Variants in PTAR1 observed in about 807,000 individuals in gnomAD.
The protein encoded by PTAR1 is protein prenyltransferase alpha subunit repeat containing 1, also known as protein prenyltransferase alpha subunit repeat-containing protein 1.
In PTAR1, 17 loss-of-function variants were observed where a neutral mutation model predicts 45.5. That is an observed-to-expected ratio of 0.37 (90% CI 0.26 to 0.56). The LOEUF (loss-of-function observed/expected upper bound fraction) is 0.56, where lower values mean the gene tolerates loss of function less well. PTAR1 is among the 20% of genes least tolerant of loss of function. The pLI, the probability that PTAR1 is intolerant of heterozygous loss-of-function variation, is 0.77. For synonymous variants in PTAR1, 169 were observed against 171.3 expected (o/e 0.99, Z 0.11); for missense variants, 391 against 476.3 (o/e 0.82, Z 1.67).
intron 5 of PTAR1, among the ~76,000 whole-genome samples, chr9:69,725,771 G>A (rs1335397463): frequency 6.6e-6 from 1 of 151,784 alleles, no homozygotes; most frequent in East Asian, 1.9e-4. Context: ...AAAGATAGAG[G>A]CAATGATTTT....
chr9:69,718,710 A>G (rs1053609593), intron 6 of PTAR1, 26 bp from the exon 7 acceptor site: 2 of 1,485,504 alleles, frequency 1.3e-6, no homozygotes, highest in Non-Finnish European at 1.8e-6. Context: ...GAAGGAAGAG[A>G]ATAAAGAAAA....
chr9:69,714,797 C>T lies in PTAR1; in HGVS notation c.*3545G>A, dbSNP rs910113602. ...GACTGAAAGTCTGGGCCCAGAGTTT[C>T]TTAAGAGGTAATAAAATGCTAAAAT... On this transcript the variant is annotated 3_prime_UTR_variant, in exon 8 of 8. Coordinates refer to ENST00000340434, the MANE Select transcript of PTAR1 (RefSeq NM_001099666.2). 6.6e-6 allele frequency: 1 copy of T among 152,004 alleles called. No individual in the cohort carries two copies. The highest frequency in any genetic ancestry group is 1.5e-5 in the Non-Finnish European group (1 of 67,984). The allele number at this position is 152,004 out of a possible 1,614,324, so 9.4% of individuals were successfully genotyped here.
chr9:69,712,977 T>C lies in PTAR1; in HGVS notation c.*5365A>G, dbSNP rs1161131609. 2.6e-5 allele frequency: 4 copies of C among 152,134 alleles called. No individual in the cohort carries two copies. Among genetic ancestry groups the C allele is most frequent in the African/African-American group, 9.7e-5 (4 of 41,450 alleles). The allele number at this position is 152,134 out of a possible 1,614,324, so 9.4% of individuals were successfully genotyped here. A position where few individuals can be genotyped will look rare whatever the true frequency, so the allele number is the denominator to read the frequency against. ...TATACTAAAATTTAAGAGCTAATAA[T>C]ATATTTAGCATATTTTTGCCTTTTC... is the stretch of plus-strand genomic sequence containing the variant. On this transcript the variant is annotated 3_prime_UTR_variant, in exon 8 of 8. Coordinates refer to ENST00000340434, the MANE Select transcript of PTAR1 (RefSeq NM_001099666.2).
At chr9:69,738,622 A>G (rs1179635816) in intron 3 of PTAR1, among the ~76,000 whole-genome samples, 1 of 152,014 alleles carries the variant, frequency 6.6e-6, no homozygotes. Context: ...ATCCCACCAT[A>G]TATTTTTGAA....
intron 2 of PTAR1, among the ~76,000 whole-genome samples, chr9:69,743,664 CTT>C (rs1200070244): frequency 6.6e-6 from 1 of 152,086 alleles, no homozygotes; most frequent in Non-Finnish European, 1.5e-5. Context: ...TTGGCACTAA[CTT>C]AATGTTTATC....
At position 69,759,998 on chromosome 9, in the gene PTAR1, G is replaced by C. The variant is rs550896557; in HGVS notation, c.-60C>G. The C allele has an allele frequency of 1.8e-5, 24 of 1,351,546 alleles. No individual in the cohort carries two copies. The East Asian group carries it at 4.8e-4, about 27-fold the overall frequency. 83.7% of individuals were successfully genotyped at this position (1,351,546 alleles called of 1,614,324 possible). A position where few individuals can be genotyped will look rare whatever the true frequency, so the allele number is the denominator to read the frequency against. On this transcript the variant is annotated 5_prime_UTR_variant, in exon 1 of 8. Transcript: ENST00000340434. ...CGCGTGAGCCGGGCCGCCGGCGGGA[G>C]TTCCGCGGAGAACGAGCGCGCGCGC... is the stretch of plus-strand genomic sequence containing the variant.
intron 5 of PTAR1, among the ~76,000 whole-genome samples, 179 bp from the exon 6 acceptor site, chr9:69,723,809 T>C (rs927738279): frequency 2.0e-5 from 3 of 152,168 alleles, no homozygotes; most frequent in Non-Finnish European, 2.9e-5. Context: ...ACATGCGAAT[T>C]TTCTCTTTCC....
chr9:69,714,802 G>A lies in PTAR1; in HGVS notation c.*3540C>T, dbSNP rs1305613650. On this transcript the variant is annotated 3_prime_UTR_variant, in exon 8 of 8. Coordinates refer to ENST00000340434, the MANE Select transcript of PTAR1 (RefSeq NM_001099666.2). ...AAAGTCTGGGCCCAGAGTTTCTTAA[G>A]AGGTAATAAAATGCTAAAATCTACA... is the stretch of plus-strand genomic sequence containing the variant. 3 of 151,986 alleles carry A rather than the reference G, an allele frequency of 2.0e-5. No homozygotes were observed. Among genetic ancestry groups the A allele is most frequent in the Non-Finnish European group, 4.4e-5 (3 of 67,976 alleles). The allele number at this position is 151,986 out of a possible 1,614,324, so 9.4% of individuals were successfully genotyped here. A position where few individuals can be genotyped will look rare whatever the true frequency, so the allele number is the denominator to read the frequency against.
chr9:69,751,516 T>C (rs1385075629), intron 1 of PTAR1, among the ~76,000 whole-genome samples: 1 of 152,110 alleles, frequency 6.6e-6, no homozygotes, highest in African/African-American at 2.4e-5. Flanking sequence ...GATATATAGA[T>C]GCATTAAAAA....
In PTAR1 at chr9:69,732,122, G is replaced by A. The variant is rs770178779; in HGVS notation, c.642+17C>T. 2.5e-6 allele frequency: 4 copies of A among 1,580,242 alleles called. No individual in the cohort carries two copies. In the African/African-American group the frequency reaches 5.4e-5, roughly 21 times the overall value. ...GGGCAGACAGGCAGTCTGCCCAGGA[G>A]ACAGTAATATTCCTACCTTGACATC... On this transcript the variant is annotated intron_variant, in intron 5 of 7. Transcript: ENST00000340434.
In PTAR1 at chr9:69,723,446, T is replaced by G. The variant is rs1326288227; in HGVS notation, c.827A>C (p.Glu276Ala). ...EPALVPPKDEEAAVSTEEPRI... is the reference protein window; with the variant it reads ...EPALVPPKDEAAAVSTEEPRI... ...TGGTTCTTCTGTTGAAACTGCTGCTTCTTCATCTTTTGGAGGAACTAGGGC... is the reference window on the plus strand; with the variant it reads ...TGGTTCTTCTGTTGAAACTGCTGCTGCTTCATCTTTTGGAGGAACTAGGGC... The change falls in exon 6 of 8, where the codon GAA becomes GCA. Residue 276 changes from glutamate (E) to alanine (A), a missense_variant. Glu to Ala is a moderately radical substitution (Grantham distance 107, BLOSUM62 -1). Coordinates refer to ENST00000340434, the MANE Select transcript of PTAR1 (RefSeq NM_001099666.2). 18 of 1,613,778 alleles carry G rather than the reference T, an allele frequency of 1.1e-5. No individual in the cohort carries two copies. Among genetic ancestry groups the G allele is most frequent in the South Asian group, 5.5e-5 (5 of 91,086 alleles).
intron 5 of PTAR1, among the ~76,000 whole-genome samples, chr9:69,730,782 AC>A (rs1431504700): frequency 2.6e-5 from 4 of 151,932 alleles, no homozygotes; most frequent in African/African-American, 9.7e-5. Flanking sequence ...AGGGTTTTAT[AC>A]TTTTTCATCA....
chr9:69,747,642 C>T (rs906824000), intron 2 of PTAR1, among the ~76,000 whole-genome samples: 1 of 152,128 alleles, frequency 6.6e-6, no homozygotes, highest in East Asian at 1.9e-4. Flanking sequence ...AACAGACATG[C>T]CCAGTTACGA....
At chr9:69,752,574 A>G (rs1037799659) in intron 1 of PTAR1, among the ~76,000 whole-genome samples, 3 of 152,088 alleles carry the variant, frequency 2.0e-5, no homozygotes, top group Admixed American at 6.6e-5. Context: ...CAATACTATC[A>G]TAAGTTTTCT....
rs1219306314 is a variant in PTAR1, at chr9:69,715,106, C to CA, written c.*3235dup. 2.6e-5 allele frequency: 4 copies of CA among 151,788 alleles called. No homozygotes were observed. Among genetic ancestry groups the CA allele is most frequent in the Non-Finnish European group, 5.9e-5 (4 of 67,898 alleles). 9.4% of individuals were successfully genotyped at this position (151,788 alleles called of 1,614,324 possible). A position where few individuals can be genotyped will look rare whatever the true frequency, so the allele number is the denominator to read the frequency against. On this transcript the variant is annotated 3_prime_UTR_variant, in exon 8 of 8. Transcript: ENST00000340434. ...AATGCAAGTGGGTTCTTTAGCTCTA[C>CA]AAATTTTTAATATATATTATAATAC...
At chr9:69,738,582 T>C (rs1446030468) in intron 3 of PTAR1, among the ~76,000 whole-genome samples, 1 of 152,148 alleles carries the variant, frequency 6.6e-6, no homozygotes, top group Non-Finnish European at 1.5e-5. Context: ...CTGGAAGCTC[T>C]TTCAGTTGCT....
chr9:69,728,068 G>A lies in PTAR1; in HGVS notation c.642+4071C>T, dbSNP rs949915062. On this transcript the variant is annotated intron_variant, in intron 5 of 7. Transcript: ENST00000340434. ...TCATACAATATGTGGCCTTGAATCT[G>A]ACTGCTTTCAATCAGCATGTTTTCA... Among the ~76,000 whole-genome samples the A allele has an allele frequency of 3.3e-5, 5 of 152,168 alleles. No homozygotes were observed. The South Asian group carries it at 6.2e-4, about 19-fold the overall frequency.
rs907778558 is a variant in PTAR1, at chr9:69,713,959, C to T, written c.*4383G>A. The T allele has an allele frequency of 6.6e-6, 1 of 152,112 alleles. No individual in the cohort carries two copies. The highest frequency in any genetic ancestry group is 1.5e-5 in the Non-Finnish European group (1 of 67,984). 9.4% of individuals were successfully genotyped at this position (152,112 alleles called of 1,614,324 possible). ...TTTGATAAAACTTCCATCCTGTTTT[C>T]TTAAACATTAAATATAATCTTGCTC... On this transcript the variant is annotated 3_prime_UTR_variant, in exon 8 of 8. Transcript: ENST00000340434.
intron 1 of PTAR1, 129 bp downstream of exon 1, chr9:69,759,724 G>T: frequency 1.1e-6 from 1 of 879,368 alleles, no homozygotes; most frequent in Non-Finnish European, 1.6e-6. Context: ...ACACGGCTCT[G>T]CCTCCTCCCT....
Sources: gnomAD v4.1 joint callset for allele counts (sites outside exome capture counted in the v4.1 genomes callset) on GRCh38, gnomAD v4.1.1 for gene constraint, MANE v1.5 for transcripts, NCBI Gene and HGNC (gene_info 2026-07-23, HGNC 2026-07-21) for gene names.